The following DCUN1D4 variants were observed in gnomAD, a reference collection of about 807,000 sequenced individuals.
DCUN1D4 encodes the protein defective in cullin neddylation 1 domain containing 4.
In DCUN1D4, 22 loss-of-function variants were observed where a neutral mutation model predicts 47.9. That is an observed-to-expected ratio of 0.46 (90% CI 0.33 to 0.66). The LOEUF is 0.66. Ranked by LOEUF, DCUN1D4 falls within the 30% of genes least tolerant of loss-of-function variation. The pLI is 0.02. For missense variants in DCUN1D4, 301 were observed against 340.8 expected (o/e 0.88, Z 0.92); for synonymous variants, 121 against 112.2 (o/e 1.08, Z -0.50).
At chr4:51,848,346 A>T in intron 1 of DCUN1D4, 1 of 1,280,150 alleles carries the variant, frequency 7.8e-7, no homozygotes, top group African/African-American at 1.5e-5. Flanking sequence ...CTACCTGCAC[A>T]AGGTTAAGGC....
At chr4:51,834,091 C>CTTTTTTTT in the DCUN1D4 span, among the ~76,000 whole-genome samples, 1 of 49,528 alleles carries the variant, frequency 2.0e-5, no homozygotes, top group African/African-American at 1.5e-4. Flanking sequence ...TCTCTCTTTT[C>CTTTTTTTT]TTTTCTTCTT....
intron 3 of DCUN1D4, among the ~76,000 whole-genome samples, chr4:51,869,680 T>C (rs1481610145): frequency 1.3e-5 from 2 of 152,288 alleles, no homozygotes; most frequent in African/African-American, 2.4e-5. Context: ...TAAATTATTA[T>C]GAAAATAGCA....
chr4:51,881,720 C>A (rs1480456692), intron 5 of DCUN1D4, among the ~76,000 whole-genome samples: 1 of 151,316 alleles, frequency 6.6e-6, no homozygotes, highest in East Asian at 1.9e-4. Flanking sequence ...CACTTCTAAC[C>A]CACTTTGTGT....
chr4:51,879,553 G>A (rs1287379325), intron 5 of DCUN1D4, among the ~76,000 whole-genome samples: 3 of 152,234 alleles, frequency 2.0e-5, no homozygotes, highest in Non-Finnish European at 2.9e-5. Flanking sequence ...GTTGCAGTGA[G>A]CCGAGATTGT....
chr4:51,879,676 C>T (rs1166486561), intron 5 of DCUN1D4, among the ~76,000 whole-genome samples: 1 of 152,212 alleles, frequency 6.6e-6, no homozygotes, highest in Non-Finnish European at 1.5e-5. Flanking sequence ...GAAGAGCGTT[C>T]TCATATTCTT....
intron 3 of DCUN1D4, among the ~76,000 whole-genome samples, chr4:51,870,116 A>C (rs1726648547): frequency 6.6e-6 from 1 of 152,190 alleles, no homozygotes; most frequent in South Asian, 2.1e-4. Context: ...CTAATTAAGT[A>C]CTTTAAAATG....
intron 3 of DCUN1D4, among the ~76,000 whole-genome samples, chr4:51,873,962 T>C (rs1249580966): frequency 6.6e-6 from 1 of 152,184 alleles, no homozygotes; most frequent in African/African-American, 2.4e-5. Flanking sequence ...AACATTGACA[T>C]ATAAGAGAAA....
At chr4:51,861,292 C>A (rs547736850) in intron 1 of DCUN1D4, among the ~76,000 whole-genome samples, 4 of 151,944 alleles carry the variant, frequency 2.6e-5, no homozygotes, top group South Asian at 2.1e-4. Context: ...CATTTGAATT[C>A]TCTTGGGTGT....
Position 51,843,279 on chromosome 4 carries a change from A to T in DCUN1D4, c.25+12A>T, listed in dbSNP as rs1560441491. 1 of 1,529,568 alleles carries T rather than the reference A, an allele frequency of 6.5e-7. No homozygotes were observed. The highest frequency in any genetic ancestry group is 2.0e-5 in the Admixed American group (1 of 49,040). 94.7% of individuals were successfully genotyped at this position (1,529,568 alleles called of 1,614,324 possible). ...TGCCGCCGCTGTCAGTGAGTAGCAG[A>T]GAGCCAGCCAGCGGGCCGGGGCCGG... On this transcript the variant is annotated intron_variant, in intron 1 of 10. Coordinates refer to ENST00000334635, the MANE Select transcript of DCUN1D4 (RefSeq NM_001040402.3).
In DCUN1D4 at chr4:51,914,927, C is replaced by G. The variant is rs1734183641; in HGVS notation, c.*1343C>G. On this transcript the variant is annotated 3_prime_UTR_variant, in exon 11 of 11. Transcript: ENST00000334635. Reference sequence around the variant, plus strand: ...AATGACTAATTCAGTCCCTAAAGTTCTGTGAAAACACAAAAGTCTAATGAT... The same window carrying G: ...AATGACTAATTCAGTCCCTAAAGTTGTGTGAAAACACAAAAGTCTAATGAT... The G allele has an allele frequency of 7.0e-6, 1 of 143,472 alleles. No homozygotes were observed. The highest frequency in any genetic ancestry group is 2.6e-5 in the African/African-American group (1 of 38,990). 8.9% of individuals were successfully genotyped at this position (143,472 alleles called of 1,614,324 possible).
chr4:51,878,298 GTCTT>G (rs1189649076), intron 5 of DCUN1D4, among the ~76,000 whole-genome samples: 2 of 152,148 alleles, frequency 1.3e-5, no homozygotes, highest in African/African-American at 4.8e-5. Flanking sequence ...TTTAAATTTA[GTCTT>G]TCTTTTTGCA....
intron 6 of DCUN1D4, 198 bp downstream of exon 6, chr4:51,886,836 T>G: frequency 1.8e-6 from 1 of 553,548 alleles, no homozygotes; most frequent in South Asian, 2.1e-5. Context: ...GTAACTACAG[T>G]TATTTTTTCT....
chr4:51,848,415 G>C, intron 1 of DCUN1D4: 1 of 1,058,392 alleles, frequency 9.4e-7, no homozygotes, highest in South Asian at 2.8e-5. Context: ...CCTTCTTTTT[G>C]TTTTATATCC....
chr4:51,858,385 C>T (rs1370328085), intron 1 of DCUN1D4, among the ~76,000 whole-genome samples: 1 of 152,050 alleles, frequency 6.6e-6, no homozygotes, highest in Non-Finnish European at 1.5e-5. Flanking sequence ...GTAGGAAGCT[C>T]ACTGTGGCTG....
chr4:51,908,694 T>G (rs1733269100), intron 8 of DCUN1D4, among the ~76,000 whole-genome samples: 4 of 152,090 alleles, frequency 2.6e-5, no homozygotes, highest in Admixed American at 2.6e-4. Context: ...AGAATGTCAT[T>G]AGGATCATTG....
chr4:51,838,555 ATT>A, upstream of DCUN1D4, among the ~76,000 whole-genome samples: 1 of 151,862 alleles, frequency 6.6e-6, no homozygotes, highest in East Asian at 2.0e-4. Context: ...ATAATTTTGC[ATT>A]TTTTTGTAGA....
In DCUN1D4 at chr4:51,874,354, G is replaced by T; in HGVS notation, c.220G>T (p.Asp74Tyr). 1 of 1,613,682 alleles carries T rather than the reference G, an allele frequency of 6.2e-7. No individual in the cohort carries two copies. Among genetic ancestry groups the T allele is most frequent in the Non-Finnish European group, 8.5e-7 (1 of 1,179,812 alleles). Reference sequence around the variant, plus strand: ...AAAGAGAAGACCTGCCTCTGGAGATGATTTATCTGCCAAGAAAAGTAGACA... The same window carrying T: ...AAAGAGAAGACCTGCCTCTGGAGATTATTTATCTGCCAAGAAAAGTAGACA... ...RKKRRPASGD[D>Y]LSAKKSRHDS... Residue 74 changes from aspartate to tyrosine, a missense_variant, in exon 4 of 11, where the codon GAT becomes TAT. By Grantham distance (160) the Asp-to-Tyr change is radical (BLOSUM62 -3). Coordinates refer to ENST00000334635, the MANE Select transcript of DCUN1D4 (RefSeq NM_001040402.3).
At chr4:51,872,905 C>T (rs941006147) in intron 3 of DCUN1D4, among the ~76,000 whole-genome samples, 1 of 152,238 alleles carries the variant, frequency 6.6e-6, no homozygotes, top group Admixed American at 6.5e-5. Flanking sequence ...TGATGCTGCT[C>T]GGAACCAATG....
intron 1 of DCUN1D4, among the ~76,000 whole-genome samples, chr4:51,851,573 T>G (rs1267209877): frequency 5.9e-5 from 8 of 134,936 alleles, no homozygotes; most frequent in African/African-American, 1.7e-4. Context: ...AGGGGTGGGG[T>G]GGGGTCGGTG....
Sources: gnomAD v4.1 joint callset for allele counts (sites outside exome capture counted in the v4.1 genomes callset) on GRCh38, gnomAD v4.1.1 for gene constraint, MANE v1.5 for transcripts, NCBI Gene and HGNC (gene_info 2026-07-23, HGNC 2026-07-21) for gene names.